Variants in FUS observed in about 807,000 individuals in gnomAD.
The protein encoded by FUS is RNA-binding protein FUS.
FUS carries 5 observed loss-of-function variants against 82.7 expected under a neutral mutation model. That is an observed-to-expected ratio of 0.06 (90% CI 0.03 to 0.13). The LOEUF (loss-of-function observed/expected upper bound fraction) is 0.13. Among genes scored for constraint, FUS ranks in the 10% least tolerant of loss-of-function variants. FUS has a pLI of 1.00. For missense variants in FUS, 512 were observed against 707.8 expected (o/e 0.72, Z 3.14); for synonymous variants, 281 against 247.4 (o/e 1.14, Z -1.27).
Position 31,182,626 on chromosome 16 carries a change from G to A in FUS, c.152G>A (p.Gly51Asp), listed in dbSNP as rs1306780434. The A allele has an allele frequency of 6.2e-7, 1 of 1,614,192 alleles. No homozygotes were observed. Among genetic ancestry groups the A allele is most frequent in the Admixed American group, 1.7e-5 (1 of 60,032 alleles). Residue 51 changes from glycine (G) to aspartate (D), a missense_variant, in exon 3 of 15, where the codon GGC becomes GAC. Transcript: ENST00000254108. Reference protein sequence around the residue: ...YSQSTDTSGYGQSSYSSYGQS... With the variant: ...YSQSTDTSGYDQSSYSSYGQS... ...CAGTCCACGGACACTTCAGGCTATG[G>A]CCAGAGCAGCTATTCTTCTTATGGC...
chr16:31,191,260 C>T, intron 14 of FUS, 139 bp from the exon 15 acceptor site: 2 of 1,468,328 alleles, frequency 1.4e-6, no homozygotes, highest in Non-Finnish European at 1.9e-6. Flanking sequence ...AAAATTAACT[C>T]AGGGGGAGTG....
intron 6 of FUS, chr16:31,185,471 C>G (rs543998647): frequency 3.1e-5 from 20 of 639,432 alleles, no homozygotes; most frequent in Non-Finnish European, 5.2e-5. Context: ...TCATTAATAT[C>G]CTAGGCAAGA....
chr16:31,191,314 A>T, intron 14 of FUS, 85 bp from the exon 15 acceptor site: 1 of 1,554,208 alleles, frequency 6.4e-7, no homozygotes, highest in Non-Finnish European at 8.9e-7. Context: ...TGGGTTAGGT[A>T]GGAGGGGCAG....
chr16:31,192,841 G>GA (rs1438395846), downstream of FUS: 2 of 483,672 alleles, frequency 4.1e-6, no homozygotes, highest in South Asian at 3.1e-5. Context: ...CAAAGTGCTG[G>GA]AATTACAGGC....
At chr16:31,192,677 C>T, downstream of FUS, 1 of 481,052 alleles carries the variant, frequency 2.1e-6, no homozygotes, top group Non-Finnish European at 4.1e-6. Context: ...TCTCCTGCCT[C>T]AGGAGAATCC....
At chr16:31,192,711 C>T (rs371771617), downstream of FUS, 12 of 481,616 alleles carry the variant, frequency 2.5e-5, no homozygotes, top group South Asian at 1.5e-5. Context: ...GCTGAGACTA[C>T]AGGCGTGGGC....
chr16:31,192,401 A>G (rs2079374091), downstream of FUS: 1 of 522,890 alleles, frequency 1.9e-6, no homozygotes, highest in Middle Eastern at 5.4e-4. Context: ...GTTATTTAGC[A>G]TGCTTTTTAT....
chr16:31,184,601 G>C (rs1358631809), intron 5 of FUS, among the ~76,000 whole-genome samples: 1 of 151,914 alleles, frequency 6.6e-6, no homozygotes, highest in Non-Finnish European at 1.5e-5. Flanking sequence ...CCGCCACCAC[G>C]CCCGGCTAAT....
At chr16:31,185,404 T>A (rs1188529884) in intron 6 of FUS, 1 of 642,312 alleles carries the variant, frequency 1.6e-6, no homozygotes, top group Admixed American at 2.6e-5. Context: ...AGATTTTGAG[T>A]AATGATACTT....
In FUS at chr16:31,190,098, T is replaced by C. The variant is rs1467894155; in HGVS notation, c.1125T>C (p.Phe375=). The C allele has an allele frequency of 2.5e-6, 4 of 1,614,012 alleles. No homozygotes were observed. Among genetic ancestry groups the C allele is most frequent in the Admixed American group, 3.3e-5 (2 of 59,974 alleles). Residue 375 remains phenylalanine, a synonymous_variant, in exon 11 of 15, where the codon TTT becomes TTC. Coordinates refer to ENST00000254108, the MANE Select transcript of FUS (RefSeq NM_004960.4). ...KVSFATRRAD[F]NRGGGNGRGG... ...CATTTGCTACTCGCCGGGCAGACTTTAATCGGGGTGGTGGCAATGGTCGTG... is the reference window on the plus strand; with the variant it reads ...CATTTGCTACTCGCCGGGCAGACTTCAATCGGGGTGGTGGCAATGGTCGTG...
intron 10 of FUS, 62 bp downstream of exon 10, chr16:31,189,856 C>T: frequency 1.9e-6 from 3 of 1,594,078 alleles, no homozygotes; most frequent in Non-Finnish European, 2.6e-6. Context: ...CCTTAGGAAA[C>T]AAGCCATAGT....
chr16:31,187,981 C>T, intron 7 of FUS: 1 of 375,054 alleles, frequency 2.7e-6, no homozygotes, highest in South Asian at 3.5e-5. Flanking sequence ...GAGAACCGGG[C>T]CAAGCTGAGT....
intron 5 of FUS, among the ~76,000 whole-genome samples, chr16:31,184,619 AT>A (rs1319131492): frequency 6.6e-6 from 1 of 151,552 alleles, no homozygotes; most frequent in African/African-American, 2.4e-5. Flanking sequence ...AATTTTTTGT[AT>A]TTTTAGTAGA....
intron 7 of FUS, chr16:31,187,951 A>C (rs1479984407): frequency 1.5e-5 from 5 of 325,160 alleles, no homozygotes; most frequent in Non-Finnish European, 2.3e-5. Context: ...TGGCGAGCCC[A>C]TCTCTCTTCT....
chr16:31,186,622 G>A (rs1303887823), intron 6 of FUS, 180 bp from the exon 7 acceptor site: 1 of 663,116 alleles, frequency 1.5e-6, no homozygotes, highest in Non-Finnish European at 2.8e-6. Flanking sequence ...TTGCACACGT[G>A]TGTGTGACAT....
At chr16:31,184,499 A>C in intron 5 of FUS, 103 bp downstream of exon 5, 1 of 1,148,216 alleles carries the variant, frequency 8.7e-7, no homozygotes, top group East Asian at 2.6e-5. Context: ...GCTGGAGTGC[A>C]GTGGCACAAT....
At chr16:31,185,612 G>C (rs747038860) in intron 6 of FUS, 4 of 503,214 alleles carry the variant, frequency 7.9e-6, no homozygotes, top group Non-Finnish European at 1.6e-5. Context: ...CCTGACTTCA[G>C]CTTCCAGGAA....
In FUS at chr16:31,183,713, C is replaced by T. The variant is rs548348064; in HGVS notation, c.191-145C>T. 36 of 952,910 alleles carry T rather than the reference C, an allele frequency of 3.8e-5. No individual in the cohort carries two copies. The African/African-American group carries it at 5.0e-4, about 13-fold the overall frequency. The allele number at this position is 952,910 out of a possible 1,614,324, so 59.0% of individuals were successfully genotyped here. ...AATTTAGGCTTTGAAAGGAGGGTAA[C>T]TATCTTTGCCTATGAGTTGCAACAT... is the stretch of plus-strand genomic sequence containing the variant. On this transcript the variant is annotated intron_variant, in intron 3 of 14. Transcript: ENST00000254108.
At chr16:31,184,644 C>T (rs190159352) in intron 5 of FUS, among the ~76,000 whole-genome samples, 3 of 151,906 alleles carry the variant, frequency 2.0e-5, no homozygotes, top group African/African-American at 7.3e-5. Context: ...GGGGTTTCAC[C>T]ATGTTAGCCA....
Sources: allele counts gnomAD v4.1 joint callset (sites outside exome capture counted in the v4.1 genomes callset), GRCh38; gene constraint gnomAD v4.1.1; transcripts MANE v1.5; gene names NCBI Gene and HGNC (gene_info 2026-07-23, HGNC 2026-07-21).